Variants in CYTH3 observed in about 807,000 individuals in gnomAD.
CYTH3 encodes cytohesin 3, also known as cytohesin-3.
CYTH3 carries 23 observed loss-of-function variants against 55.1 expected under a neutral mutation model. The observed-to-expected ratio is 0.42, with a 90% confidence interval of 0.30 to 0.59. CYTH3 has a LOEUF of 0.59. Ranked by LOEUF, CYTH3 falls within the 20% of genes least tolerant of loss-of-function variation. CYTH3 has a pLI of 0.20. For synonymous variants in CYTH3, 249 were observed against 194.9 expected (o/e 1.28, Z -2.31); for missense variants, 413 against 524.8 (o/e 0.79, Z 2.08).
intron 1 of CYTH3, among the ~76,000 whole-genome samples, chr7:6,244,834 G>C (rs972759837): frequency 4.0e-5 from 6 of 151,544 alleles, no homozygotes; most frequent in African/African-American, 1.5e-4. Context: ...TGTCACCCAG[G>C]CTGGAGTGCG....
intron 1 of CYTH3, among the ~76,000 whole-genome samples, chr7:6,196,741 G>A (rs924298330): frequency 2.0e-5 from 3 of 152,128 alleles, no homozygotes; most frequent in African/African-American, 2.4e-5. Context: ...GATTACAGGC[G>A]TGAGCCACCG....
At chr7:6,206,013 A>G (rs1784179703) in intron 1 of CYTH3, among the ~76,000 whole-genome samples, 1 of 152,108 alleles carries the variant, frequency 6.6e-6, no homozygotes, top group Non-Finnish European at 1.5e-5. Context: ...ACAGAAATCA[A>G]TTATTAAAAT....
At chr7:6,193,986 C>T (rs959695659) in intron 1 of CYTH3, among the ~76,000 whole-genome samples, 34 of 152,158 alleles carry the variant, frequency 2.2e-4, no homozygotes, top group African/African-American at 8.2e-4. Flanking sequence ...CAGGCTTCAG[C>T]TCTAAAGATA....
intron 1 of CYTH3, among the ~76,000 whole-genome samples, chr7:6,270,971 C>T (rs1353564062): frequency 2.0e-5 from 3 of 152,186 alleles, no homozygotes; most frequent in African/African-American, 7.2e-5. Context: ...GCTGCCTTGA[C>T]GCTAATGTCC....
In CYTH3 at chr7:6,164,092, G is replaced by T. The variant is rs1163333980; in HGVS notation, c.*852C>A. ...ATGATTTGCTTAAAGTATTTGTGGG[G>T]CCAAAAAGCCTGGTTGAAGGGAGGC... On this transcript the variant is annotated 3_prime_UTR_variant, in exon 13 of 13. Transcript: ENST00000350796. The T allele has an allele frequency of 6.6e-6, 1 of 152,188 alleles. No homozygotes were observed. The highest frequency in any genetic ancestry group is 2.4e-5 in the African/African-American group (1 of 41,418). The allele number at this position is 152,188 out of a possible 1,614,324, so 9.4% of individuals were successfully genotyped here.
chr7:6,236,218 TTG>T (rs1245571310), intron 1 of CYTH3, among the ~76,000 whole-genome samples: 2 of 152,120 alleles, frequency 1.3e-5, no homozygotes, highest in Non-Finnish European at 2.9e-5. Flanking sequence ...CTTATTTTTT[TTG>T]TGAGACAGAG....
intron 1 of CYTH3, chr7:6,212,583 C>T (rs1784344474): frequency 6.6e-6 from 1 of 152,140 alleles, no homozygotes; most frequent in African/African-American, 2.4e-5. Flanking sequence ...AAGGTTCACC[C>T]ATGTTGTGGC....
At chr7:6,190,404 A>C (rs527837994) in intron 2 of CYTH3, 45 bp downstream of exon 2, 124 of 1,403,566 alleles carry the variant, frequency 8.8e-5, no homozygotes, top group Non-Finnish European at 1.1e-4. Context: ...ACTCAAAAGC[A>C]AAAAACAGAG....
At chr7:6,212,167 G>A (rs1275818955) in intron 1 of CYTH3, among the ~76,000 whole-genome samples, 2 of 151,780 alleles carry the variant, frequency 1.3e-5, no homozygotes, top group African/African-American at 2.4e-5. Flanking sequence ...AAGGTCTCCC[G>A]ATGTTTCCCA....
intron 1 of CYTH3, among the ~76,000 whole-genome samples, chr7:6,256,378 T>A (rs6463538): frequency 0.05 from 7,645 of 152,284 alleles, 286 homozygotes; most frequent in Non-Finnish European, 0.076. Flanking sequence ...ACTAGGATAG[T>A]GGACTTCTCT....
At chr7:6,180,675 G>C (rs1164920716) in intron 4 of CYTH3, among the ~76,000 whole-genome samples, 1 of 152,184 alleles carries the variant, frequency 6.6e-6, no homozygotes, top group African/African-American at 2.4e-5. Flanking sequence ...AATACACTAG[G>C]TAAATACTCA....
intron 1 of CYTH3, among the ~76,000 whole-genome samples, chr7:6,216,370 C>T (rs1342299154): frequency 6.6e-6 from 1 of 151,992 alleles, no homozygotes; most frequent in East Asian, 1.9e-4. Context: ...ACTTATTATA[C>T]ATACATATAT....
chr7:6,236,500 G>A (rs938928876), intron 1 of CYTH3, among the ~76,000 whole-genome samples: 1 of 151,592 alleles, frequency 6.6e-6, no homozygotes, highest in African/African-American at 2.4e-5. Flanking sequence ...ATAAGCCACT[G>A]CGCCTGGCCT....
At chr7:6,228,522 C>G in intron 1 of CYTH3, among the ~76,000 whole-genome samples, 1 of 152,100 alleles carries the variant, frequency 6.6e-6, no homozygotes, top group East Asian at 1.9e-4. Context: ...ACTGAGAGAT[C>G]CAGGCTGGAA....
At chr7:6,203,356 C>G (rs112616745) in intron 1 of CYTH3, among the ~76,000 whole-genome samples, 131 of 152,232 alleles carry the variant, frequency 8.6e-4, no homozygotes, top group African/African-American at 2.9e-3. Flanking sequence ...AGCTGTGAAT[C>G]TGACTATTGC....
intron 4 of CYTH3, among the ~76,000 whole-genome samples, chr7:6,180,263 T>C (rs1413816242): frequency 6.6e-6 from 1 of 152,244 alleles, no homozygotes; most frequent in Non-Finnish European, 1.5e-5. Context: ...CTCCCATGCC[T>C]TCCTCTGGAT....
intron 1 of CYTH3, 49 bp downstream of exon 1, chr7:6,272,412 CCCCCAGCCCCCGG>C (rs1780689337): frequency 1.6e-5 from 7 of 450,686 alleles, no homozygotes; most frequent in Non-Finnish European, 2.8e-5. Context: ...GCGCCCTCGA[CCCCCAGCCCCCGG>C]CCCCCGACCC....
Position 6,167,878 on chromosome 7 carries a change from T to C in CYTH3, c.824-2068A>G, listed in dbSNP as rs1476222288. ...GGGGTCTGCCAGGTGGCCTCTCAGC[T>C]CCACCTTGGGTCCCCCGCTCACACC... On this transcript the variant is annotated intron_variant, in intron 9 of 12. Coordinates refer to ENST00000350796, the MANE Select transcript of CYTH3 (RefSeq NM_004227.4). The surrounding 1 kb of genome is among the most constrained non-coding windows in gnomAD (Gnocchi z 5.5). 6.6e-6 allele frequency among the ~76,000 whole-genome samples: 1 copy of C among 152,180 alleles called. No homozygotes were observed. The highest frequency in any genetic ancestry group is 2.4e-5 in the African/African-American group (1 of 41,434).
chr7:6,171,394 A>C lies in CYTH3; in HGVS notation c.450-80T>G. 7.3e-7 allele frequency: 1 copy of C among 1,371,758 alleles called. No homozygotes were observed. Among genetic ancestry groups the C allele is most frequent in the Non-Finnish European group, 1.0e-6 (1 of 971,880 alleles). 85.0% of individuals were successfully genotyped at this position (1,371,758 alleles called of 1,614,324 possible). On this transcript the variant is annotated intron_variant, in intron 6 of 12. Coordinates refer to ENST00000350796, the MANE Select transcript of CYTH3 (RefSeq NM_004227.4). This position sits in a 1 kb window ranked among gnomAD's most constrained non-coding sequence, Gnocchi z 6.7. Reference sequence around the variant, plus strand: ...GCCAAGGGCGGCTTCTGCCCAGCTCAGGAAGGACGTTTTCCTCCCGAGCCT... The same window carrying C: ...GCCAAGGGCGGCTTCTGCCCAGCTCCGGAAGGACGTTTTCCTCCCGAGCCT...
Sources: gnomAD v4.1 joint callset for allele counts (sites outside exome capture counted in the v4.1 genomes callset) on GRCh38, gnomAD v4.1.1 for gene constraint, Gnocchi (gnomAD v3.1) non-coding constraint, MANE v1.5 for transcripts, NCBI Gene and HGNC (gene_info 2026-07-23, HGNC 2026-07-21) for gene names.